IGSF21: variants seen among roughly 807,000 people sequenced by gnomAD.
The protein encoded by IGSF21 is immunoglobin superfamily member 21.
A neutral mutation model predicts 46.8 loss-of-function variants in IGSF21; 28 were observed. That is an observed-to-expected ratio of 0.60 (90% CI 0.44 to 0.82). The LOEUF (loss-of-function observed/expected upper bound fraction) is 0.82. Ranked by LOEUF, IGSF21 falls within the 40% of genes least tolerant of loss-of-function variation. IGSF21 has a pLI of 0.00. For missense variants in IGSF21, 624 were observed against 665.5 expected (o/e 0.94, Z 0.69); for synonymous variants, 284 against 273.6 (o/e 1.04, Z -0.38).
chr1:18,154,827 C>G (rs2086554097), intron 1 of IGSF21, among the ~76,000 whole-genome samples: 1 of 151,772 alleles, frequency 6.6e-6, no homozygotes, highest in South Asian at 2.1e-4. Flanking sequence ...CTTCATTTTC[C>G]TTTCACTTCC....
intron 2 of IGSF21, among the ~76,000 whole-genome samples, chr1:18,276,210 T>G (rs1250913577): frequency 6.6e-6 from 1 of 152,110 alleles, no homozygotes; most frequent in Non-Finnish European, 1.5e-5. Context: ...ACCACTGTTC[T>G]GGCTGAGCAA....
At chr1:18,179,035 A>G (rs2124467192) in intron 1 of IGSF21, 1 of 152,402 alleles carries the variant, frequency 6.6e-6, no homozygotes, top group South Asian at 2.1e-4. Flanking sequence ...ATTTAAGAGG[A>G]AGGGTGGGGG....
At chr1:18,319,764 C>T (rs1404726012) in intron 3 of IGSF21, among the ~76,000 whole-genome samples, 4 of 152,148 alleles carry the variant, frequency 2.6e-5, no homozygotes, top group South Asian at 2.1e-4. Context: ...TCCCTGACCT[C>T]CCAGCAATTT....
chr1:18,154,260 G>A (rs926714105), intron 1 of IGSF21, among the ~76,000 whole-genome samples: 1 of 152,146 alleles, frequency 6.6e-6, no homozygotes, highest in Non-Finnish European at 1.5e-5. Context: ...CAGGGGACTT[G>A]GATGGGATTT....
chr1:18,332,971 A>G (rs2085729897), intron 3 of IGSF21, among the ~76,000 whole-genome samples: 1 of 152,130 alleles, frequency 6.6e-6, no homozygotes, highest in Non-Finnish European at 1.5e-5. Flanking sequence ...AGGAGAGAAG[A>G]AAAGAGCGAA....
chr1:18,244,313 G>C (rs976696777), intron 2 of IGSF21, among the ~76,000 whole-genome samples: 4 of 152,236 alleles, frequency 2.6e-5, no homozygotes, highest in Admixed American at 1.3e-4. Context: ...CAGATGAAAA[G>C]AGCTGACTTT....
At chr1:18,264,923 T>C (rs1211818702) in intron 2 of IGSF21, among the ~76,000 whole-genome samples, 1 of 152,160 alleles carries the variant, frequency 6.6e-6, no homozygotes, top group Non-Finnish European at 1.5e-5. Flanking sequence ...CAGCTTAGGC[T>C]CAGGGCCACC....
chr1:18,222,889 C>T (rs959709650), intron 1 of IGSF21, among the ~76,000 whole-genome samples: 1 of 152,162 alleles, frequency 6.6e-6, no homozygotes, highest in Non-Finnish European at 1.5e-5. Context: ...ATCTCCTCTC[C>T]TGTGTGTGTC....
At chr1:18,375,333 G>A (rs2086269750) in intron 6 of IGSF21, among the ~76,000 whole-genome samples, 2 of 152,118 alleles carry the variant, frequency 1.3e-5, no homozygotes. Flanking sequence ...GAATCTGGGG[G>A]AAAGAGTGCT....
chr1:18,128,722 G>A (rs1027816982), intron 1 of IGSF21, among the ~76,000 whole-genome samples: 1 of 152,122 alleles, frequency 6.6e-6, no homozygotes, highest in Admixed American at 6.5e-5. Context: ...TCCCCTAGTG[G>A]GTTTGTGGAG....
intron 3 of IGSF21, among the ~76,000 whole-genome samples, chr1:18,327,790 A>G (rs1007317500): frequency 1.3e-5 from 2 of 152,174 alleles, no homozygotes; most frequent in Admixed American, 6.5e-5. Context: ...GAGTATGTTC[A>G]TTATCTTGAT....
intron 1 of IGSF21, among the ~76,000 whole-genome samples, chr1:18,195,573 T>A (rs894172497): frequency 6.7e-6 from 1 of 149,056 alleles, no homozygotes; most frequent in Non-Finnish European, 1.5e-5. Flanking sequence ...TGCTCTGAGC[T>A]GCCCAGCCCT....
intron 1 of IGSF21, among the ~76,000 whole-genome samples, chr1:18,118,044 G>T (rs907911788): frequency 6.6e-6 from 1 of 152,330 alleles, no homozygotes; most frequent in Non-Finnish European, 1.5e-5. Context: ...TGGGGACCTT[G>T]GCAGCACTTC....
intron 2 of IGSF21, among the ~76,000 whole-genome samples, chr1:18,257,183 T>A (rs906395785): frequency 1.1e-4 from 17 of 152,188 alleles, no homozygotes; most frequent in African/African-American, 3.9e-4. Flanking sequence ...AATTATTTTT[T>A]AAAGAAAACA....
At chr1:18,291,042 T>G (rs558356288) in intron 2 of IGSF21, among the ~76,000 whole-genome samples, 2 of 152,278 alleles carry the variant, frequency 1.3e-5, no homozygotes, top group Non-Finnish European at 1.5e-5. Flanking sequence ...ATTGAAACAG[T>G]GACAACACAT....
intron 2 of IGSF21, among the ~76,000 whole-genome samples, chr1:18,263,608 CA>C (rs940905315): frequency 9.2e-5 from 14 of 152,272 alleles, no homozygotes; most frequent in African/African-American, 3.1e-4. Flanking sequence ...CAGAACCAAA[CA>C]CTTCTCCAGC....
At chr1:18,273,230 G>A (rs575466809) in intron 2 of IGSF21, among the ~76,000 whole-genome samples, 34 of 151,192 alleles carry the variant, frequency 2.2e-4, no homozygotes, top group South Asian at 4.2e-4. Flanking sequence ...TAGTAGAGAC[G>A]GGGTTTCACC....
Position 18,365,392 on chromosome 1 carries a change from G to A in IGSF21, c.710G>A (p.Arg237Gln), listed in dbSNP as rs200809740. ...CTGTCCCTCCTGGACGCCGAGAACC[G>A]GGGTGGGCGACCCTACACGGAGCGC... ...KSLSLLDAENRGGRPYTERPS... is the reference protein window; with the variant it reads ...KSLSLLDAENQGGRPYTERPS... The change falls in exon 6 of 10, where the codon CGG becomes CAG. Residue 237 changes from arginine (R) to glutamine (Q), a missense_variant. Physicochemically the swap from Arg to Gln is conservative, Grantham distance 43. Transcript: ENST00000251296. The surrounding 1 kb of genome is among the most constrained non-coding windows in gnomAD (Gnocchi z 4.8). The A allele has an allele frequency of 2.6e-5, 42 of 1,613,834 alleles. No individual in the cohort carries two copies. The South Asian group carries it at 2.6e-4, about 10-fold the overall frequency.
chr1:18,316,529 G>A (rs1429096641), intron 3 of IGSF21, among the ~76,000 whole-genome samples: 1 of 152,116 alleles, frequency 6.6e-6, no homozygotes, highest in Admixed American at 6.5e-5. Context: ...TTGTGTGCAA[G>A]CCCCTGCCCC....
Sources: gnomAD v4.1 joint callset for allele counts (sites outside exome capture counted in the v4.1 genomes callset) on GRCh38, gnomAD v4.1.1 for gene constraint, Gnocchi (gnomAD v3.1) non-coding constraint, MANE v1.5 for transcripts, NCBI Gene and HGNC (gene_info 2026-07-23, HGNC 2026-07-21) for gene names.